Variants in LRMDA observed in about 807,000 individuals in gnomAD.
LRMDA encodes leucine rich melanocyte differentiation associated.
A neutral mutation model predicts 29.8 loss-of-function variants in LRMDA; 18 were observed. That is an observed-to-expected ratio of 0.60 (90% CI 0.42 to 0.90). The LOEUF (loss-of-function observed/expected upper bound fraction) is 0.90. Ranked by LOEUF, LRMDA falls within the 40% of genes least tolerant of loss-of-function variation. The pLI, the probability that LRMDA is intolerant of heterozygous loss-of-function variation, is 0.00. For synonymous variants in LRMDA, 125 were observed against 109.4 expected (o/e 1.14, Z -0.89); for missense variants, 273 against 273.9 (o/e 1.00, Z 0.02).
intron 2 of LRMDA, among the ~76,000 whole-genome samples, chr10:75,635,698 A>G (rs1841383143): frequency 6.6e-6 from 1 of 152,214 alleles, no homozygotes; most frequent in African/African-American, 2.4e-5. Flanking sequence ...TTGACATTTA[A>G]AAGGATGCCC....
intron 1 of LRMDA, among the ~76,000 whole-genome samples, chr10:75,432,231 A>C (rs1844207820): frequency 1.3e-5 from 2 of 152,254 alleles, no homozygotes; most frequent in South Asian, 2.1e-4. Context: ...TGAAGGCAAA[A>C]GTGTCTAGGG....
intron 5 of LRMDA, among the ~76,000 whole-genome samples, chr10:76,168,907 C>A (rs1006127861): frequency 6.6e-6 from 1 of 152,014 alleles, no homozygotes; most frequent in Non-Finnish European, 1.5e-5. Context: ...TTGTTGAAGC[C>A]AATAAGTAAG....
At position 76,273,403 on chromosome 10, in the gene LRMDA, A is replaced by G. The variant is rs894995703; in HGVS notation, c.517-50998A>G. Among the ~76,000 whole-genome samples the G allele has an allele frequency of 5.9e-5, 9 of 152,328 alleles. No individual in the cohort carries two copies. In the East Asian group the frequency reaches 1.7e-3, roughly 29 times the overall value. On this transcript the variant is annotated intron_variant, in intron 5 of 6. Transcript: ENST00000611255. Reference sequence around the variant, plus strand: ...TGACTTTTATACTTACTAATATCACATTATAGATGCTAAAGAATCATTGTA... The same window carrying G: ...TGACTTTTATACTTACTAATATCACGTTATAGATGCTAAAGAATCATTGTA...
chr10:76,109,043 C>T (rs1849532534), intron 5 of LRMDA, among the ~76,000 whole-genome samples: 1 of 152,174 alleles, frequency 6.6e-6, no homozygotes, highest in African/African-American at 2.4e-5. Flanking sequence ...TCTCCTCACT[C>T]ACATGCCCCA....
intron 5 of LRMDA, among the ~76,000 whole-genome samples, chr10:76,299,452 T>A (rs77631432): frequency 6.6e-5 from 10 of 152,206 alleles, no homozygotes; most frequent in Non-Finnish European, 1.3e-4. Flanking sequence ...TCTCAAAAGG[T>A]TTTACCTGGA....
intron 6 of LRMDA, among the ~76,000 whole-genome samples, chr10:76,431,939 C>T (rs532269444): frequency 3.4e-4 from 52 of 152,302 alleles, no homozygotes; most frequent in Non-Finnish European, 6.8e-4. Flanking sequence ...ATGCCTTTCA[C>T]CTTCTGCCAT....
At chr10:75,863,873 C>T (rs991191937) in intron 2 of LRMDA, among the ~76,000 whole-genome samples, 12 of 152,068 alleles carry the variant, frequency 7.9e-5, no homozygotes, top group East Asian at 1.9e-4. Context: ...AGAATAGTCC[C>T]GAAAATTGAT....
chr10:75,483,866 G>GGTTTT (rs765399335), intron 2 of LRMDA, among the ~76,000 whole-genome samples: 3 of 23,948 alleles, frequency 1.3e-4, no homozygotes, highest in African/African-American at 2.2e-4. Flanking sequence ...AGTATGGAGA[G>GGTTTT]GTTTTTTTTT....
At chr10:75,584,277 T>C (rs1248289993) in intron 2 of LRMDA, among the ~76,000 whole-genome samples, 1 of 152,192 alleles carries the variant, frequency 6.6e-6, no homozygotes, top group African/African-American at 2.4e-5. Context: ...GGCATATTGC[T>C]TGAGTAACCT....
intron 4 of LRMDA, among the ~76,000 whole-genome samples, chr10:76,052,372 C>G (rs750942353): frequency 6.6e-6 from 1 of 152,118 alleles, no homozygotes; most frequent in Non-Finnish European, 1.5e-5. Flanking sequence ...ATTCGCAGAC[C>G]GTGGAGGCCC....
chr10:76,453,571 T>G (rs1842428002), intron 6 of LRMDA, among the ~76,000 whole-genome samples: 1 of 152,250 alleles, frequency 6.6e-6, no homozygotes, highest in South Asian at 2.1e-4. Flanking sequence ...TTATCTAGTC[T>G]TACATTGTTA....
chr10:76,064,897 A>G (rs935411061), intron 5 of LRMDA, among the ~76,000 whole-genome samples: 17 of 152,290 alleles, frequency 1.1e-4, no homozygotes, highest in African/African-American at 4.1e-4. Flanking sequence ...GATGTTTCCA[A>G]CTACCTGAAT....
chr10:75,711,047 T>C (rs1455425748), intron 2 of LRMDA, among the ~76,000 whole-genome samples: 1 of 152,188 alleles, frequency 6.6e-6, no homozygotes, highest in East Asian at 1.9e-4. Flanking sequence ...TTTTATTCAA[T>C]AAAAAAGTGA....
At chr10:75,717,103 G>A (rs996032764) in intron 2 of LRMDA, among the ~76,000 whole-genome samples, 2 of 152,144 alleles carry the variant, frequency 1.3e-5, no homozygotes, top group African/African-American at 4.8e-5. Context: ...TCCTTACAGG[G>A]CTTCCTGGAT....
At chr10:76,023,570 T>C (rs563331675) in intron 2 of LRMDA, among the ~76,000 whole-genome samples, 1 of 152,316 alleles carries the variant, frequency 6.6e-6, no homozygotes, top group South Asian at 2.1e-4. Context: ...ATGGGATGTT[T>C]AAAAATGAAG....
chr10:76,118,975 A>G (rs1054257550), intron 5 of LRMDA, among the ~76,000 whole-genome samples: 6 of 151,288 alleles, frequency 4.0e-5, no homozygotes, highest in African/African-American at 7.3e-5. Flanking sequence ...GCGCAGGCCA[A>G]TCTGCCCATA....
chr10:75,771,235 C>G (rs759558334), intron 2 of LRMDA, among the ~76,000 whole-genome samples: 151 of 152,022 alleles, frequency 9.9e-4, no homozygotes, highest in Non-Finnish European at 1.9e-3. Context: ...GCTCACTCTA[C>G]ACAGGTTCAC....
At chr10:75,436,075 G>A (rs72807460) in intron 1 of LRMDA, among the ~76,000 whole-genome samples, 56 of 89,366 alleles carry the variant, frequency 6.3e-4, no homozygotes, top group Non-Finnish European at 1.4e-3. Context: ...AAAAAAAAAA[G>A]AGAGAGAGAA....
At chr10:76,057,475 G>T (rs1471425637) in intron 4 of LRMDA, among the ~76,000 whole-genome samples, 1 of 152,172 alleles carries the variant, frequency 6.6e-6, no homozygotes, top group Non-Finnish European at 1.5e-5. Flanking sequence ...CTGCCTTCAA[G>T]AAGCTTACAG....
Sources: gnomAD v4.1 joint callset for allele counts (sites outside exome capture counted in the v4.1 genomes callset) on GRCh38, gnomAD v4.1.1 for gene constraint, MANE v1.5 for transcripts, NCBI Gene and HGNC (gene_info 2026-07-23, HGNC 2026-07-21) for gene names.